The following SNAP29 variants were observed in gnomAD, a reference collection of about 807,000 sequenced individuals.
SNAP29 encodes synaptosomal-associated protein 29.
Under a neutral mutation model 27.9 loss-of-function variants are expected in SNAP29, and 13 were observed. The observed-to-expected ratio is 0.47, with a 90% CI of 0.30 to 0.74. The LOEUF is 0.74. Ranked by LOEUF, SNAP29 falls within the 30% of genes least tolerant of loss-of-function variation. The pLI, the probability that SNAP29 is intolerant of heterozygous loss-of-function variation, is 0.06. For missense variants in SNAP29, 368 were observed against 336.5 expected, an observed-to-expected ratio of 1.09 and a Z score of -0.73; for synonymous variants, 119 against 127.1, an observed-to-expected ratio of 0.94 and a Z score of 0.43.
intron 1 of SNAP29, 195 bp downstream of exon 1, chr22:20,859,542 G>A: frequency 1.7e-6 from 1 of 601,176 alleles, no homozygotes; most frequent in African/African-American, 1.9e-5. Context: ...GAAGAGGGCA[G>A]TTTACCCCAG....
At chr22:20,871,371 T>C (rs959773769) in intron 2 of SNAP29, among the ~76,000 whole-genome samples, 1 of 149,438 alleles carries the variant, frequency 6.7e-6, no homozygotes, top group Non-Finnish European at 1.5e-5. Flanking sequence ...TATTCCTAGC[T>C]ACAGGGGAGA....
At chr22:20,880,304 C>G (rs1928860108) in intron 2 of SNAP29, among the ~76,000 whole-genome samples, 1 of 152,068 alleles carries the variant, frequency 6.6e-6, no homozygotes. Flanking sequence ...TAGAGACCAG[C>G]CTGGCCAACA....
intron 2 of SNAP29, among the ~76,000 whole-genome samples, chr22:20,875,858 CAAAA>C (rs890643296): frequency 7.0e-6 from 1 of 143,294 alleles, no homozygotes; most frequent in African/African-American, 2.6e-5. Context: ...CATGGACGAC[CAAAA>C]AAAAAAATGG....
At chr22:20,861,004 T>C (rs1014973946) in intron 1 of SNAP29, among the ~76,000 whole-genome samples, 7 of 151,156 alleles carry the variant, frequency 4.6e-5, no homozygotes, top group Non-Finnish European at 1.5e-5. Context: ...ACCACTGCAC[T>C]CCAGCTTGGG....
At chr22:20,861,987 C>A (rs548082737) in intron 1 of SNAP29, among the ~76,000 whole-genome samples, 1 of 152,262 alleles carries the variant, frequency 6.6e-6, no homozygotes, top group East Asian at 1.9e-4. Context: ...GCAGGCTGGT[C>A]TCAAACGCCT....
At chr22:20,863,706 T>C (rs1029334843) in intron 1 of SNAP29, among the ~76,000 whole-genome samples, 1 of 151,996 alleles carries the variant, frequency 6.6e-6, no homozygotes, top group African/African-American at 2.4e-5. Context: ...TGAAGAGAGA[T>C]TCCAATCACA....
intron 2 of SNAP29, among the ~76,000 whole-genome samples, chr22:20,879,087 C>CACGA (rs1430108543): frequency 6.6e-6 from 1 of 152,148 alleles, no homozygotes; most frequent in Non-Finnish European, 1.5e-5. Context: ...GTGGGCGGAT[C>CACGA]ACGAGGTCAG....
At chr22:20,881,910 A>G (rs986840825) in intron 3 of SNAP29, among the ~76,000 whole-genome samples, 3 of 152,150 alleles carry the variant, frequency 2.0e-5, no homozygotes, top group South Asian at 2.1e-4. Context: ...TGGAGTTACA[A>G]TTGCTAATCA....
chr22:20,887,504 G>A (rs1043118491), intron 4 of SNAP29, among the ~76,000 whole-genome samples, 175 bp from the exon 5 acceptor site: 1 of 151,882 alleles, frequency 6.6e-6, no homozygotes, highest in Non-Finnish European at 1.5e-5. Flanking sequence ...CCTGGGAAAA[G>A]GCTTTACTCT....
chr22:20,883,670 C>T, intron 4 of SNAP29, 101 bp downstream of exon 4: 1 of 771,006 alleles, frequency 1.3e-6, no homozygotes, highest in South Asian at 1.3e-5. Context: ...TCAGTTCCCT[C>T]ACCACACATC....
At chr22:20,884,998 C>T (rs1928978806) in intron 4 of SNAP29, among the ~76,000 whole-genome samples, 1 of 152,170 alleles carries the variant, frequency 6.6e-6, no homozygotes. Context: ...TGGTCTCGAA[C>T]TCCCGACCTC....
At position 20,859,059 on chromosome 22, in the gene SNAP29, C is replaced by T. The variant is rs1479561806; in HGVS notation, c.-52C>T. The T allele has an allele frequency of 1.4e-5, 20 of 1,470,448 alleles. No individual in the cohort carries two copies. In the Admixed American group the frequency reaches 1.5e-4, roughly 11 times the overall value. The allele number at this position is 1,470,448 out of a possible 1,614,324, so 91.1% of individuals were successfully genotyped here. ...GGCGGGGCGAGGCCCTGGACGGCGG[C>T]GGCAGTGGGGCTCCTCCTTCTGTTT... On this transcript the variant is annotated 5_prime_UTR_variant, in exon 1 of 5. Coordinates refer to ENST00000215730, the MANE Select transcript of SNAP29 (RefSeq NM_004782.4).
At chr22:20,882,267 T>C (rs374080191) in intron 3 of SNAP29, among the ~76,000 whole-genome samples, 1 of 151,262 alleles carries the variant, frequency 6.6e-6, no homozygotes, top group East Asian at 1.9e-4. Context: ...TAATACAGCC[T>C]CCAGCCCAAG....
intron 2 of SNAP29, among the ~76,000 whole-genome samples, chr22:20,876,077 C>T (rs1928737190): frequency 6.6e-6 from 1 of 151,234 alleles, no homozygotes; most frequent in African/African-American, 2.4e-5. Flanking sequence ...AGGAGAATGG[C>T]ATGAACCCGG....
At chr22:20,883,645 G>A (rs556816559) in intron 4 of SNAP29, 76 bp downstream of exon 4, 1 of 924,494 alleles carries the variant, frequency 1.1e-6, no homozygotes, top group East Asian at 2.4e-5. Flanking sequence ...GCCCCTGCAT[G>A]AGCATCCTCC....
chr22:20,875,581 A>G (rs934852161), intron 2 of SNAP29, among the ~76,000 whole-genome samples: 1 of 152,180 alleles, frequency 6.6e-6, no homozygotes, highest in Non-Finnish European at 1.5e-5. Context: ...GAACCCACCA[A>G]TTGAAGGAGG....
At chr22:20,878,510 G>A (rs1024177658) in intron 2 of SNAP29, among the ~76,000 whole-genome samples, 8 of 152,180 alleles carry the variant, frequency 5.3e-5, no homozygotes, top group Admixed American at 2.0e-4. Context: ...CCCAGGAGGC[G>A]GAGCTTGCAG....
At chr22:20,869,216 C>G (rs773617736) in intron 1 of SNAP29, among the ~76,000 whole-genome samples, 1 of 152,124 alleles carries the variant, frequency 6.6e-6, no homozygotes, top group Non-Finnish European at 1.5e-5. Context: ...GCTAATATCA[C>G]GCCACTGCAC....
chr22:20,861,046 C>T (rs1183329514), intron 1 of SNAP29, among the ~76,000 whole-genome samples: 1 of 151,740 alleles, frequency 6.6e-6, no homozygotes, highest in East Asian at 1.9e-4. Context: ...TTTCCCCTTG[C>T]TGTTTTCTTG....
Sources: gnomAD v4.1 joint callset for allele counts (sites outside exome capture counted in the v4.1 genomes callset) on GRCh38, gnomAD v4.1.1 for gene constraint, MANE v1.5 for transcripts, NCBI Gene and HGNC (gene_info 2026-07-23, HGNC 2026-07-21) for gene names.